ERAP1: variants seen among roughly 807,000 people sequenced by gnomAD.
The protein encoded by ERAP1 is endoplasmic reticulum aminopeptidase 1, also known as adipocyte-derived leucine aminopeptidase.
In ERAP1, 86 loss-of-function variants were observed where a neutral mutation model predicts 103.7. The ratio of observed to expected loss-of-function variants is 0.83; its 90% confidence interval spans 0.70 to 0.99. The LOEUF is 0.99. Among genes scored for constraint, ERAP1 ranks in the 50% least tolerant of loss-of-function variants. The probability of loss-of-function intolerance (pLI) is 0.00; values close to 1 mark genes in which losing one functional copy is unlikely to be tolerated. For missense variants in ERAP1, 1,009 were observed against 1,128.4 expected, an observed-to-expected ratio of 0.89 and a Z score of 1.52; for synonymous variants, 398 against 402.4, an observed-to-expected ratio of 0.99 and a Z score of 0.13.
chr5:96,895,232 T>G, the ERAP1 span: 1 of 1,505,052 alleles, frequency 6.6e-7, no homozygotes, highest in Non-Finnish European at 9.1e-7. Context: ...TAATATTGAG[T>G]TTTTACCTCC....
chr5:96,876,206 A>G, the ERAP1 span: 1 of 152,370 alleles, frequency 6.6e-6, no homozygotes, highest in Non-Finnish European at 1.5e-5. Context: ...CTTGGCACTA[A>G]AAAACATAAA....
chr5:96,819,322 A>G, the ERAP1 span, among the ~76,000 whole-genome samples: 1 of 152,228 alleles, frequency 6.6e-6, no homozygotes, highest in Non-Finnish European at 1.5e-5. Context: ...ATTTGTCAGA[A>G]GCCTCATGGA....
the ERAP1 span, among the ~76,000 whole-genome samples, chr5:96,816,265 C>A: frequency 0.73 from 110,369 of 152,074 alleles, 40,645 homozygotes; most frequent in Non-Finnish European, 0.8. Flanking sequence ...ACGAATTATA[C>A]ATGTGAAAAT....
chr5:96,883,150 T>TC, the ERAP1 span, among the ~76,000 whole-genome samples: 2 of 152,130 alleles, frequency 1.3e-5, no homozygotes, highest in African/African-American at 4.8e-5. Context: ...AAAGTCCAGC[T>TC]CCTTGCCTCC....
the ERAP1 span, among the ~76,000 whole-genome samples, chr5:96,904,009 G>C: frequency 0.54 from 82,039 of 151,734 alleles, 22,202 homozygotes; most frequent in Admixed American, 0.59. Flanking sequence ...ATGTATTTAT[G>C]TTATTAGCTG....
chr5:96,840,612 A>G, the ERAP1 span, among the ~76,000 whole-genome samples: 1 of 152,190 alleles, frequency 6.6e-6, no homozygotes, highest in Non-Finnish European at 1.5e-5. Flanking sequence ...TCCTGGTTAT[A>G]TATTAGAGTT....
At chr5:96,844,340 C>G in the ERAP1 span, among the ~76,000 whole-genome samples, 1 of 152,308 alleles carries the variant, frequency 6.6e-6, no homozygotes, top group African/African-American at 2.4e-5. Context: ...CTGTTTCCTG[C>G]ATTTCCCAGG....
At chr5:96,872,397 G>T in the ERAP1 span, among the ~76,000 whole-genome samples, 1 of 150,624 alleles carries the variant, frequency 6.6e-6, no homozygotes, top group East Asian at 1.9e-4. Flanking sequence ...TCAGGAGTTC[G>T]AAATCAACCT....
At chr5:96,889,509 C>G in the ERAP1 span, 2 of 705,934 alleles carry the variant, frequency 2.8e-6, no homozygotes, top group African/African-American at 1.8e-5. Context: ...GATCATTTCT[C>G]TATTCTTTTA....
chr5:96,907,709 C>A, the ERAP1 span, among the ~76,000 whole-genome samples: 1 of 151,998 alleles, frequency 6.6e-6, no homozygotes, highest in Non-Finnish European at 1.5e-5. Context: ...TGGTGAAATC[C>A]CGTCTCTACT....
At chr5:96,891,861 C>G in the ERAP1 span, among the ~76,000 whole-genome samples, 3 of 152,020 alleles carry the variant, frequency 2.0e-5, no homozygotes, top group Non-Finnish European at 4.4e-5. Context: ...AATCATGCAT[C>G]TTTTTGTTTT....
At chr5:96,931,331 A>AT in the ERAP1 span, among the ~76,000 whole-genome samples, 1 of 151,674 alleles carries the variant, frequency 6.6e-6, no homozygotes, top group Non-Finnish European at 1.5e-5. Flanking sequence ...TAATTTTTCA[A>AT]TTTTTTGTAG....
chr5:96,818,564 T>A, the ERAP1 span, among the ~76,000 whole-genome samples: 2 of 21,864 alleles, frequency 9.1e-5, no homozygotes, highest in African/African-American at 2.1e-4. Flanking sequence ...TTGAGAGGCT[T>A]TTTTTGTTGT....
At chr5:96,834,969 A>C in the ERAP1 span, among the ~76,000 whole-genome samples, 1 of 152,214 alleles carries the variant, frequency 6.6e-6, no homozygotes, top group Non-Finnish European at 1.5e-5. Flanking sequence ...AGAAACACCC[A>C]CATGATTCTT....
the ERAP1 span, among the ~76,000 whole-genome samples, chr5:96,925,911 CTT>C: frequency 5.7e-5 from 6 of 105,666 alleles, no homozygotes; most frequent in African/African-American, 7.2e-5. Flanking sequence ...GTATAATTTG[CTT>C]TTTTTTTTTT....
the ERAP1 span, among the ~76,000 whole-genome samples, chr5:96,922,671 G>C: frequency 6.6e-6 from 1 of 152,212 alleles, no homozygotes; most frequent in Non-Finnish European, 1.5e-5. Context: ...GCTCGCAGTT[G>C]TCAGACCCTC....
chr5:96,902,319 T>C, the ERAP1 span: 3 of 1,612,426 alleles, frequency 1.9e-6, no homozygotes, highest in Non-Finnish European at 8.5e-7. Flanking sequence ...GTTCTTCTAA[T>C]GTGATCCACA....
chr5:96,794,003 C>T, intron 5 of ERAP1, 46 bp from the exon 6 acceptor site: 1 of 1,594,564 alleles, frequency 6.3e-7, no homozygotes, highest in Non-Finnish European at 8.6e-7. Flanking sequence ...CTAAGCTATA[C>T]ATTCTCCCAA....
intron 13 of ERAP1, chr5:96,785,511 G>A (rs1333967461): frequency 2.3e-6 from 1 of 429,108 alleles, no homozygotes; most frequent in African/African-American, 2.0e-5. Context: ...TCGCCAGGAT[G>A]TTGATCTCCT....
Sources: allele counts gnomAD v4.1 joint callset (sites outside exome capture counted in the v4.1 genomes callset), GRCh38; gene constraint gnomAD v4.1.1; transcripts MANE v1.5; gene names NCBI Gene and HGNC (gene_info 2026-07-23, HGNC 2026-07-21).